Variants in MEGF8 observed in about 807,000 individuals in gnomAD.
MEGF8 encodes the protein multiple epidermal growth factor-like domains protein 8.
In MEGF8, 156 loss-of-function variants were observed where a neutral mutation model predicts 302.9. The ratio of observed to expected loss-of-function variants is 0.52; its 90% CI spans 0.45 to 0.59. MEGF8 has a LOEUF of 0.59. Ranked by LOEUF, MEGF8 falls within the 20% of genes least tolerant of loss-of-function variation. The pLI, the probability that MEGF8 is intolerant of heterozygous loss-of-function variation, is 0.00. For synonymous variants in MEGF8, 1,621 were observed against 1,660.5 expected (o/e 0.98, Z 0.58); for missense variants, 3,345 against 3,964.5 (o/e 0.84, Z 4.20).
At chr19:42,337,835 G>GCT (rs1660152095) in intron 8 of MEGF8, among the ~76,000 whole-genome samples, 1 of 148,400 alleles carries the variant, frequency 6.7e-6, no homozygotes, top group African/African-American at 2.5e-5. Flanking sequence ...AGGGAGTCTC[G>GCT]CTCCGTCGCC....
chr19:42,354,754 C>A lies in MEGF8; in HGVS notation c.4144+34C>A. 6.4e-7 allele frequency: 1 copy of A among 1,574,626 alleles called. No individual in the cohort carries two copies. Among genetic ancestry groups the A allele is most frequent in the Non-Finnish European group, 8.6e-7 (1 of 1,161,374 alleles). ...GCTAGGGGAAGTGGGACCTCTTAGT[C>A]CTGGGCTATGTATCCCTTGCCCCTG... On this transcript the variant is annotated intron_variant, in intron 23 of 41. Transcript: ENST00000251268. The surrounding 1 kb of genome is among the most constrained non-coding windows in gnomAD (Gnocchi z 4.3).
intron 35 of MEGF8, among the ~76,000 whole-genome samples, chr19:42,365,603 CAA>C (rs549607065): frequency 2.3e-4 from 12 of 53,048 alleles, no homozygotes; most frequent in Non-Finnish European, 2.4e-4. Flanking sequence ...CTCATCTCTA[CAA>C]AAAAAAAAAA....
At position 42,343,944 on chromosome 19, in the gene MEGF8, C is replaced by T; in HGVS notation, c.1669-10C>T. 1 of 1,612,300 alleles carries T rather than the reference C, an allele frequency of 6.2e-7. No individual in the cohort carries two copies. Among genetic ancestry groups the T allele is most frequent in the Non-Finnish European group, 8.5e-7 (1 of 1,178,828 alleles). ...CTTGCCTCCCCCTCTGTCCCCTTGC[C>T]TCCCTGCAGTACCACTTGGACTACT... On this transcript the variant is annotated splice_polypyrimidine_tract_variant and intron_variant, in intron 9 of 41. Transcript: ENST00000251268.
rs148860986 is a variant in MEGF8, at chr19:42,376,011, G to A, written c.7774G>A (p.Val2592Met). ...GTCGGCAGTGCTGGTGGTCCGCGGC[G>A]TGCGGGACCGGCTGGTCATCACCTA... ...EPSAVLVVRG[V>M]RDRLVITYPH... Residue 2592 changes from valine to methionine, a missense_variant, in exon 42 of 42, where the codon GTG becomes ATG. By Grantham distance (21) the Val-to-Met change is conservative (BLOSUM62 1). Coordinates refer to ENST00000251268, the MANE Select transcript of MEGF8 (RefSeq NM_001271938.2). The surrounding 1 kb of genome is among the most constrained non-coding windows in gnomAD (Gnocchi z 8.2). 1.5e-3 allele frequency: 2,441 copies of A among 1,606,034 alleles called. 5 individuals are homozygous for A. The highest frequency in any genetic ancestry group is 1.9e-3 in the Non-Finnish European group (2,280 of 1,177,918).
chr19:42,349,505 G>A lies in MEGF8; in HGVS notation c.2305G>A (p.Val769Met). The A allele has an allele frequency of 6.2e-7, 1 of 1,611,236 alleles. No individual in the cohort carries two copies. Among genetic ancestry groups the A allele is most frequent in the Non-Finnish European group, 8.5e-7 (1 of 1,179,444 alleles). The change falls in exon 14 of 42, where the codon GTG becomes ATG. Residue 769 changes from valine (V) to methionine (M), a missense_variant. Physicochemically the swap from Val to Met is conservative, Grantham distance 21 (BLOSUM62 1). Coordinates refer to ENST00000251268, the MANE Select transcript of MEGF8 (RefSeq NM_001271938.2). Reference sequence around the variant, plus strand: ...TCACTCACACCTACCCCAGGAGGAGGTGGGGCGCTGGGTGGCTCATCAGGA... The same window carrying A: ...TCACTCACACCTACCCCAGGAGGAGATGGGGCGCTGGGTGGCTCATCAGGA... Reference protein sequence around the residue: ...RGPDTENMEEVGRWVAHQEKE... With the variant: ...RGPDTENMEEMGRWVAHQEKE...
chr19:42,348,544 T>C, intron 13 of MEGF8, 72 bp downstream of exon 13: 3 of 1,365,862 alleles, frequency 2.2e-6, no homozygotes, highest in Non-Finnish European at 1.9e-6. Flanking sequence ...ATAGAGCATC[T>C]GTGGTGATTT....
In MEGF8 at chr19:42,357,650, C is replaced by T; in HGVS notation, c.5011+66C>T. 1.4e-6 allele frequency: 2 copies of T among 1,438,532 alleles called. No homozygotes were observed. Among genetic ancestry groups the T allele is most frequent in the Non-Finnish European group, 1.9e-6 (2 of 1,064,974 alleles). 89.1% of individuals were successfully genotyped at this position (1,438,532 alleles called of 1,614,324 possible). A position where few individuals can be genotyped will look rare whatever the true frequency, so the allele number is the denominator to read the frequency against. On this transcript the variant is annotated intron_variant, in intron 28 of 41. Transcript: ENST00000251268. The surrounding 1 kb of genome is among the most constrained non-coding windows in gnomAD (Gnocchi z 5.2). ...CCCGGGCATCTGGGCTTCCTGTGGG[C>T]TCTCCATCCACTGCTGTGCTCTGTG...
chr19:42,351,144 TG>T lies in MEGF8; in HGVS notation c.2737-69del. The T allele has an allele frequency of 7.9e-7, 1 of 1,267,532 alleles. No homozygotes were observed. The highest frequency in any genetic ancestry group is 1.1e-6 in the Non-Finnish European group (1 of 921,064). The allele number at this position is 1,267,532 out of a possible 1,614,324, so 78.5% of individuals were successfully genotyped here. On this transcript the variant is annotated intron_variant, in intron 15 of 41. Coordinates refer to ENST00000251268, the MANE Select transcript of MEGF8 (RefSeq NM_001271938.2). The surrounding 1 kb of genome is among the most constrained non-coding windows in gnomAD (Gnocchi z 5.6). ...ACAGTCTGCAGGGTGGGGCAGGGGG[TG>T]GGATGGGCACTGGGAGTCCAAAGGA...
Position 42,344,468 on chromosome 19 carries a change from G to C in MEGF8, c.1816G>C (p.Gly606Arg). ...ACPAASCLGL[G>R]RLLGDCQACL... ...TCCAGCCGCCAGCTGCCTGGGCCTG[G>C]GCCGCCTCCTGGGTGACTGCCAGGC... is the stretch of plus-strand genomic sequence containing the variant. Residue 606 changes from glycine to arginine, a missense_variant, in exon 11 of 42, where the codon GGC (glycine) becomes CGC (arginine). By Grantham distance (125) the Gly-to-Arg change is moderately radical (BLOSUM62 -2). Coordinates refer to ENST00000251268, the MANE Select transcript of MEGF8 (RefSeq NM_001271938.2). This position sits in a 1 kb window ranked among gnomAD's most constrained non-coding sequence, Gnocchi z 4.5. 6.3e-7 allele frequency: 1 copy of C among 1,596,616 alleles called. No individual in the cohort carries two copies. The highest frequency in any genetic ancestry group is 8.5e-7 in the Non-Finnish European group (1 of 1,178,624).
rs1301566794 is a variant in MEGF8 at position 42,350,265 on chromosome 19, C to T, written c.2617C>T (p.His873Tyr). The change falls in exon 15 of 42, where the codon CAC becomes TAC. Residue 873 changes from histidine to tyrosine, a missense_variant. Physicochemically the swap from His to Tyr is moderately conservative, Grantham distance 83 (BLOSUM62 2). Transcript: ENST00000251268. ...CGWCLTSATC[H>Y]LRQGGAHCGD... is the part of the protein sequence containing the mutation. ...CTGGTGCCTGACCAGTGCCACCTGC[C>T]ACCTGCGCCAGGGCGGAGCCCATTG... The T allele has an allele frequency of 6.2e-7, 1 of 1,611,888 alleles. No individual in the cohort carries two copies. Among genetic ancestry groups the T allele is most frequent in the Non-Finnish European group, 8.5e-7 (1 of 1,179,856 alleles).
Position 42,353,455 on chromosome 19 carries a change from G to T in MEGF8, c.3551-10G>T, listed in dbSNP as rs764203206. On this transcript the variant is annotated splice_polypyrimidine_tract_variant and intron_variant, in intron 20 of 41. Transcript: ENST00000251268. The surrounding 1 kb of genome is among the most constrained non-coding windows in gnomAD (Gnocchi z 6.1). ...ACTTGACTCTGTCCCACCTGCTGGG[G>T]CCTCCACAGACTGGACATGGGGGGA... 1 of 1,609,124 alleles carries T rather than the reference G, an allele frequency of 6.2e-7. No individual in the cohort carries two copies. The highest frequency in any genetic ancestry group is 8.5e-7 in the Non-Finnish European group (1 of 1,179,016).
chr19:42,361,299 G>A (rs1047745460), intron 32 of MEGF8, among the ~76,000 whole-genome samples: 1 of 152,188 alleles, frequency 6.6e-6, no homozygotes, highest in Admixed American at 6.5e-5. Flanking sequence ...GCTGGAGGGG[G>A]TCAGCTCAGA....
At position 42,376,346 on chromosome 19, in the gene MEGF8, C is replaced by T. The variant is rs775992266; in HGVS notation, c.8109C>T (p.Cys2703=). ...ASRPFAKVTV[C]FPPDPTAPAS... ...GCCCCTTCGCCAAGGTCACCGTCTG[C>T]TTCCCACCTGACCCTACTGCCCCGG... The change falls in exon 42 of 42, where the codon TGC becomes TGT. Residue 2703 remains cysteine (C), a synonymous_variant. Transcript: ENST00000251268. This position sits in a 1 kb window ranked among gnomAD's most constrained non-coding sequence, Gnocchi z 8.2. 1.2e-5 allele frequency: 19 copies of T among 1,613,498 alleles called. No homozygotes were observed. In the Admixed American group the frequency reaches 3.2e-4, roughly 27 times the overall value.
rs761157640 is a variant in MEGF8, at chr19:42,353,858, T to C, written c.3845T>C (p.Val1282Ala). 4 of 1,604,480 alleles carry C rather than the reference T, an allele frequency of 2.5e-6. No individual in the cohort carries two copies. Among genetic ancestry groups the C allele is most frequent in the Non-Finnish European group, 3.4e-6 (4 of 1,175,820 alleles). The change falls in exon 22 of 42, where the codon GTC becomes GCC. Residue 1282 changes from valine (V) to alanine (A), a missense_variant. Coordinates refer to ENST00000251268, the MANE Select transcript of MEGF8 (RefSeq NM_001271938.2). The surrounding 1 kb of genome is among the most constrained non-coding windows in gnomAD (Gnocchi z 6.1). ...TCAGTGGCACTGGGCTCACGCCGGG[T>C]CGGGGGGCTGCTGCCTCCAGGTGGC... is the stretch of plus-strand genomic sequence containing the variant. ...VSSVALGSRR[V>A]GGLLPPGGGA...
chr19:42,341,947 C>T (rs2039221305), intron 8 of MEGF8, among the ~76,000 whole-genome samples: 1 of 152,120 alleles, frequency 6.6e-6, no homozygotes, highest in Non-Finnish European at 1.5e-5. Context: ...TTCCCAGAGT[C>T]GCATCTGTTC....
In MEGF8 at chr19:42,335,382, C is replaced by T. The variant is rs925747283; in HGVS notation, c.825C>T (p.Ala275=). 2 of 1,613,774 alleles carry T rather than the reference C, an allele frequency of 1.2e-6. No individual in the cohort carries two copies. The highest frequency in any genetic ancestry group is 2.7e-5 in the African/African-American group (2 of 74,916). ...GGGAGTCTTGGGACCTGAGTCCTGCCCCGGTATGGACCCCTCCTCTGCCCT... is the reference window on the plus strand; with the variant it reads ...GGGAGTCTTGGGACCTGAGTCCTGCTCCGGTATGGACCCCTCCTCTGCCCT... ...NTWESWDLSP[A]PAARHSHVAV... The change falls in exon 5 of 42, where the codon GCC becomes GCT. Residue 275 remains alanine (A), a synonymous_variant. Transcript: ENST00000251268.
rs2147472704 is a variant in MEGF8 at position 42,349,633 on chromosome 19, C to T, written c.2433C>T (p.Gly811=). ...TAGAGATCCAGGGCCAGCTCAATGG[C>T]TCGGCAGGCCCTGGGCACAGCGAGC... ...YAVEIQGQLN[G]SAGPGHSELT... is the part of the protein sequence containing the mutation. The change falls in exon 14 of 42, where the codon GGC becomes GGT. Residue 811 remains glycine (G), a synonymous_variant. Transcript: ENST00000251268. 1 of 1,612,226 alleles carries T rather than the reference C, an allele frequency of 6.2e-7. No homozygotes were observed. The highest frequency in any genetic ancestry group is 8.5e-7 in the Non-Finnish European group (1 of 1,179,832).
At chr19:42,334,420 C>T (rs1438783013) in intron 3 of MEGF8, among the ~76,000 whole-genome samples, 1 of 151,886 alleles carries the variant, frequency 6.6e-6, no homozygotes, top group Admixed American at 6.6e-5. Flanking sequence ...AGGGCCTCCC[C>T]TGCTGAGGAT....
Position 42,360,887 on chromosome 19 carries a change from G to C in MEGF8, c.5601G>C (p.Leu1867=), listed in dbSNP as rs772768540. The C allele has an allele frequency of 1.4e-5, 23 of 1,613,338 alleles. No individual in the cohort carries two copies. The East Asian group carries it at 4.0e-4, about 28-fold the overall frequency. Residue 1867 remains leucine, a synonymous_variant, in exon 32 of 42, where the codon CTG becomes CTC. Transcript: ENST00000251268. ...GGFGGVALGR[L]LALTLPPDPC... ...TCGGGGGAGTGGCCCTGGGCCGCCT[G>C]CTGGCACTGACCCTGCCCCCTGACC... is the stretch of plus-strand genomic sequence containing the variant.
Sources: gnomAD v4.1 joint callset for allele counts (sites outside exome capture counted in the v4.1 genomes callset) on GRCh38, gnomAD v4.1.1 for gene constraint, Gnocchi (gnomAD v3.1) non-coding constraint, MANE v1.5 for transcripts, NCBI Gene and HGNC (gene_info 2026-07-23, HGNC 2026-07-21) for gene names.